Variants in FER1L6 observed in about 807,000 individuals in gnomAD.
FER1L6 encodes the protein fer-1-like protein 6.
In FER1L6, 177 loss-of-function variants were observed where a neutral mutation model predicts 219.2. That is an observed-to-expected ratio of 0.81 (90% CI 0.71 to 0.91). The LOEUF is 0.91. FER1L6 is among the 40% of genes least tolerant of loss of function. The pLI, the probability that FER1L6 is intolerant of heterozygous loss-of-function variation, is 0.00. For synonymous variants in FER1L6, 768 were observed against 824.3 expected, an observed-to-expected ratio of 0.93 and a Z score of 1.17; for missense variants, 2,153 against 2,259.9, an observed-to-expected ratio of 0.95 and a Z score of 0.96.
chr8:123,966,165 A>G lies in FER1L6; in HGVS notation c.259A>G (p.Ile87Val). The change falls in exon 5 of 41, where the codon ATA (isoleucine) becomes GTA (valine). Residue 87 changes from isoleucine (I) to valine (V), a missense_variant. Physicochemically the swap from Ile to Val is conservative, Grantham distance 29. Coordinates refer to ENST00000522917, the MANE Select transcript of FER1L6 (RefSeq NM_001039112.2). ...EVRSQNYQIA[I>V]TITEARQLVG... ...ACACTGCTTTGTGTTGCAGATTGCC[A>G]TAACCATCACCGAGGCTCGCCAGCT... 1 of 1,614,042 alleles carries G rather than the reference A, an allele frequency of 6.2e-7. No homozygotes were observed. The highest frequency in any genetic ancestry group is 8.5e-7 in the Non-Finnish European group (1 of 1,179,992).
At chr8:124,072,018 G>T (rs1159994862) in intron 31 of FER1L6, among the ~76,000 whole-genome samples, 4 of 152,124 alleles carry the variant, frequency 2.6e-5, no homozygotes, top group South Asian at 2.1e-4. Flanking sequence ...AGGAGTTAGG[G>T]GTTCAACATA....
chr8:124,095,823 C>T (rs1822261573), intron 35 of FER1L6, among the ~76,000 whole-genome samples: 1 of 152,204 alleles, frequency 6.6e-6, no homozygotes, highest in Non-Finnish European at 1.5e-5. Flanking sequence ...TATTATGATC[C>T]TCACTTTTAC....
intron 1 of FER1L6, among the ~76,000 whole-genome samples, chr8:123,914,254 T>C (rs1031102467): frequency 1.3e-5 from 2 of 152,178 alleles, no homozygotes; most frequent in African/African-American, 4.8e-5. Context: ...GATGACCTTA[T>C]TGGTGTGTTT....
At chr8:124,054,442 C>CTTT (rs1183060232) in intron 22 of FER1L6, among the ~76,000 whole-genome samples, 3 of 152,042 alleles carry the variant, frequency 2.0e-5, no homozygotes, top group Admixed American at 1.3e-4. Context: ...TTTTTAACTT[C>CTTT]TTTTTCAAAA....
intron 1 of FER1L6, among the ~76,000 whole-genome samples, chr8:123,866,033 A>G (rs574394523): frequency 1.2e-4 from 18 of 151,518 alleles, no homozygotes; most frequent in Admixed American, 8.5e-4. Context: ...CCAGTCTATC[A>G]CTGTTGGACA....
chr8:124,061,965 GT>G lies in FER1L6; in HGVS notation c.3266del (p.Leu1089CysfsTer27). On this transcript the variant is annotated frameshift_variant, in exon 25 of 41. Transcript: ENST00000522917. LOFTEE classifies it high-confidence loss of function. ...CCTACACCATCAACTACTTGAAGCAGTTTTTGTGTAAACTCAGAGAGCCCCT... is the reference window on the plus strand; with the variant it reads ...CCTACACCATCAACTACTTGAAGCAGTTTTGTGTAAACTCAGAGAGCCCCT... ...GTYTINYLKQ[F>X]LCKLREPLAP... 3.1e-6 allele frequency: 5 copies of G among 1,614,206 alleles called. No individual in the cohort carries two copies. Among genetic ancestry groups the G allele is most frequent in the Non-Finnish European group, 4.2e-6 (5 of 1,180,022 alleles).
chr8:124,062,066 C>T (rs370977597), intron 25 of FER1L6, 34 bp downstream of exon 25: 124 of 1,610,020 alleles, frequency 7.7e-5, no homozygotes, highest in South Asian at 5.2e-4. Flanking sequence ...GTAGCTGTAA[C>T]TATAAAGTCA....
intron 1 of FER1L6, among the ~76,000 whole-genome samples, chr8:123,904,790 C>A (rs913506158): frequency 6.6e-6 from 1 of 152,172 alleles, no homozygotes; most frequent in Non-Finnish European, 1.5e-5. Flanking sequence ...AAACAACAAA[C>A]AGAGAAACAA....
intron 12 of FER1L6, among the ~76,000 whole-genome samples, chr8:123,989,383 T>C (rs538475935): frequency 1.4e-3 from 210 of 152,328 alleles, no homozygotes; most frequent in Non-Finnish European, 2.7e-3. Flanking sequence ...GTATTGGAAT[T>C]CTTTTTTAAA....
rs1167490349 is a variant in FER1L6 at position 124,003,208 on chromosome 8, A to G, written c.1561A>G (p.Ser521Gly). The G allele has an allele frequency of 3.1e-6, 5 of 1,614,052 alleles. No homozygotes were observed. The highest frequency in any genetic ancestry group is 3.3e-5 in the Admixed American group (2 of 60,016). Residue 521 changes from serine to glycine, a missense_variant, in exon 13 of 41, where the codon AGT becomes GGT. Transcript: ENST00000522917. ...NLIDGGSHHGSKKSAESAEED... is the reference protein window; with the variant it reads ...NLIDGGSHHGGKKSAESAEED... ...GATTGATGGAGGATCCCATCATGGG[A>G]GTAAGAAGTCAGCTGAATCAGCTGA...
At position 124,084,170 on chromosome 8, in the gene FER1L6, GT is replaced by G. The variant is rs533125494; in HGVS notation, c.4391+1725del. Among the ~76,000 whole-genome samples the G allele has an allele frequency of 3.2e-3, 458 of 143,244 alleles. 11 individuals are homozygous for G. In the East Asian group the frequency reaches 0.035, roughly 11 times the overall value. The allele number at this position is 143,244 out of a possible 152,430, so 94.0% of individuals were successfully genotyped here. A position where few individuals can be genotyped will look rare whatever the true frequency, so the allele number is the denominator to read the frequency against. ...TAACGGTTTTCTTGTGGAATCTTTAGTTTTTTTTTTTTTAAATATAAGATCA... is the reference window on the plus strand; with the variant it reads ...TAACGGTTTTCTTGTGGAATCTTTAGTTTTTTTTTTTTAAATATAAGATCA... On this transcript the variant is annotated intron_variant, in intron 33 of 40. Coordinates refer to ENST00000522917, the MANE Select transcript of FER1L6 (RefSeq NM_001039112.2).
intron 1 of FER1L6, among the ~76,000 whole-genome samples, chr8:123,912,090 G>A (rs1329386423): frequency 5.9e-5 from 9 of 152,068 alleles, no homozygotes; most frequent in East Asian, 1.9e-4. Context: ...TGAACATTAC[G>A]TGGTACTCAT....
rs1226315646 is a variant in FER1L6, at chr8:124,004,014, T to A, written c.1700+667T>A. ...AATCCAAATCCTCTTATTATATTCA[T>A]CTGAGTCCTGTGCTATTATGTAAAT... is the stretch of plus-strand genomic sequence containing the variant. On this transcript the variant is annotated intron_variant, in intron 13 of 40. Transcript: ENST00000522917. Among the ~76,000 whole-genome samples, 5 of 151,596 alleles carry A rather than the reference T, an allele frequency of 3.3e-5. No individual in the cohort carries two copies. The East Asian group carries it at 9.7e-4, about 29-fold the overall frequency.
chr8:123,983,258 A>T (rs1180176470), intron 11 of FER1L6, among the ~76,000 whole-genome samples: 1 of 152,028 alleles, frequency 6.6e-6, no homozygotes, highest in Non-Finnish European at 1.5e-5. Context: ...CCATCTGGAC[A>T]GTTGAGAGGT....
At chr8:124,077,890 T>C (rs1821362061) in intron 32 of FER1L6, among the ~76,000 whole-genome samples, 1 of 152,218 alleles carries the variant, frequency 6.6e-6, no homozygotes, top group Admixed American at 6.5e-5. Context: ...TTCTTGTGCT[T>C]GAGCCAGGGT....
At chr8:124,046,946 G>T (rs1400469878) in intron 21 of FER1L6, among the ~76,000 whole-genome samples, 1 of 152,124 alleles carries the variant, frequency 6.6e-6, no homozygotes, top group Non-Finnish European at 1.5e-5. Context: ...CTCCCTCTGG[G>T]CCCCATTCCC....
At chr8:123,971,097 T>C (rs1158624244) in intron 6 of FER1L6, among the ~76,000 whole-genome samples, 1 of 152,240 alleles carries the variant, frequency 6.6e-6, no homozygotes, top group African/African-American at 2.4e-5. Context: ...ATTGTGAGGA[T>C]GACAAAACTT....
chr8:124,115,189 T>C (rs531108400), intron 39 of FER1L6, among the ~76,000 whole-genome samples: 1 of 150,948 alleles, frequency 6.6e-6, no homozygotes, highest in Non-Finnish European at 1.5e-5. Context: ...TCCACGGATA[T>C]CATTAGGCTA....
intron 39 of FER1L6, among the ~76,000 whole-genome samples, chr8:124,109,318 A>G (rs1215088313): frequency 6.6e-6 from 1 of 152,184 alleles, no homozygotes; most frequent in African/African-American, 2.4e-5. Context: ...TTATTATTCA[A>G]ATAGGCTTTC....
Sources: gnomAD v4.1 joint callset for allele counts (sites outside exome capture counted in the v4.1 genomes callset) on GRCh38, gnomAD v4.1.1 for gene constraint, MANE v1.5 for transcripts, NCBI Gene and HGNC (gene_info 2026-07-23, HGNC 2026-07-21) for gene names.